The following ANO2 variants were observed in gnomAD, a reference collection of about 807,000 sequenced individuals.
The protein encoded by ANO2 is anoctamin 2, also known as anoctamin-2.
Under a neutral mutation model 124.2 loss-of-function variants are expected in ANO2, and 101 were observed. The observed-to-expected ratio is 0.81, with a 90% confidence interval of 0.69 to 0.96. The LOEUF is 0.96. Among genes scored for constraint, ANO2 ranks in the 40% least tolerant of loss-of-function variants. The probability of loss-of-function intolerance (pLI) is 0.00; values close to 1 mark genes in which losing one functional copy is unlikely to be tolerated. For synonymous variants in ANO2, 486 were observed against 482.5 expected (o/e 1.01, Z -0.09); for missense variants, 1,293 against 1,274.5 (o/e 1.01, Z -0.22).
At chr12:5,849,481 A>G (rs1954798142) in intron 4 of ANO2, among the ~76,000 whole-genome samples, 1 of 152,234 alleles carries the variant, frequency 6.6e-6, no homozygotes, top group African/African-American at 2.4e-5. Flanking sequence ...CCATACCGCC[A>G]TTTCAAACCT....
intron 12 of ANO2, among the ~76,000 whole-genome samples, chr12:5,743,143 C>T (rs547029907): frequency 6.6e-5 from 10 of 152,264 alleles, no homozygotes; most frequent in Admixed American, 6.5e-4. Context: ...CTAAGAACCA[C>T]CGAGAACAGG....
intron 12 of ANO2, chr12:5,740,446 C>T (rs1489388054): frequency 6.0e-6 from 1 of 166,788 alleles, no homozygotes; most frequent in Non-Finnish European, 1.3e-5. Context: ...CCAGTCCCAA[C>T]TAAGGTATCT....
chr12:5,877,412 T>C (rs1158163661), intron 3 of ANO2, among the ~76,000 whole-genome samples: 3 of 152,088 alleles, frequency 2.0e-5, no homozygotes, highest in African/African-American at 7.2e-5. Context: ...AGCCAAGAAA[T>C]TTGAGGTAGT....
At chr12:5,929,485 T>C (rs1406876912) in intron 1 of ANO2, among the ~76,000 whole-genome samples, 5 of 87,758 alleles carry the variant, frequency 5.7e-5, no homozygotes, top group South Asian at 3.6e-4. Flanking sequence ...GTCTATCTTC[T>C]TTCCTTACTC....
At chr12:5,931,297 G>A (rs1942366784) in intron 1 of ANO2, among the ~76,000 whole-genome samples, 1 of 152,052 alleles carries the variant, frequency 6.6e-6, no homozygotes, top group African/African-American at 2.4e-5. Context: ...CAGGCTCCAA[G>A]CACAGCAAAT....
chr12:5,866,258 A>G (rs570558534), intron 3 of ANO2, among the ~76,000 whole-genome samples: 14 of 152,292 alleles, frequency 9.2e-5, no homozygotes, highest in African/African-American at 3.4e-4. Context: ...CCATAAAGGG[A>G]AGTCCTGGGT....
chr12:5,863,168 AGCG>A (rs1955324724), intron 3 of ANO2, among the ~76,000 whole-genome samples: 1 of 152,108 alleles, frequency 6.6e-6, no homozygotes. Context: ...CTTTTTTAGC[AGCG>A]TGAGAACAGA....
Position 5,578,462 on chromosome 12 carries a change from ACACAGGTGCCAGGGGAAAGGAGGC to A in ANO2, c.2266_2289del (p.Ala756_Val763del). The A allele has an allele frequency of 3.7e-6, 6 of 1,613,958 alleles. No homozygotes were observed. Among genetic ancestry groups the A allele is most frequent in the Non-Finnish European group, 5.1e-6 (6 of 1,179,876 alleles). On this transcript the variant is annotated inframe_deletion, in exon 21 of 25. Transcript: ENST00000682330. ...TCAATGACGTTGTTGAGGAGGGCAA[ACACAGGTGCCAGGGGAAAGGAGGC>A]CACGAAGAGGGTGACAAAACCAAAC...
chr12:5,861,130 C>A (rs1310516279), intron 3 of ANO2, among the ~76,000 whole-genome samples: 2 of 152,146 alleles, frequency 1.3e-5, no homozygotes, highest in Admixed American at 1.3e-4. Context: ...ATATCTTTCT[C>A]CAGTAACAAA....
chr12:5,674,790 C>A (rs929849100), intron 14 of ANO2, among the ~76,000 whole-genome samples: 1 of 152,190 alleles, frequency 6.6e-6, no homozygotes, highest in African/African-American at 2.4e-5. Context: ...ATCTGTAAAA[C>A]CCTGTCCCCT....
intron 3 of ANO2, among the ~76,000 whole-genome samples, chr12:5,893,734 C>T (rs1185250959): frequency 2.0e-5 from 3 of 151,514 alleles, no homozygotes; most frequent in East Asian, 1.9e-4. Flanking sequence ...AGTGAGAACA[C>T]GTGGTGTTTG....
chr12:5,605,690 G>C (rs766069594), intron 19 of ANO2, among the ~76,000 whole-genome samples: 12 of 152,084 alleles, frequency 7.9e-5, no homozygotes, highest in Non-Finnish European at 1.5e-4. Flanking sequence ...CATGTGTTTC[G>C]GGGGCACTAT....
intron 11 of ANO2, among the ~76,000 whole-genome samples, chr12:5,749,698 C>T (rs967232883): frequency 2.0e-5 from 3 of 152,208 alleles, no homozygotes; most frequent in African/African-American, 7.2e-5. Context: ...TAAATATTAG[C>T]TAAGTGTCTC....
intron 3 of ANO2, among the ~76,000 whole-genome samples, chr12:5,875,074 C>G (rs1198136465): frequency 6.6e-6 from 1 of 152,248 alleles, no homozygotes; most frequent in Non-Finnish European, 1.5e-5. Context: ...CCTGGCCCCT[C>G]TCTCATCACT....
chr12:5,891,188 A>G (rs942109381), intron 3 of ANO2, among the ~76,000 whole-genome samples: 1 of 152,198 alleles, frequency 6.6e-6, no homozygotes, highest in Non-Finnish European at 1.5e-5. Flanking sequence ...GGACAGAGAG[A>G]GCCGAGGAGA....
chr12:5,748,665 A>G (rs1033436346), intron 11 of ANO2, among the ~76,000 whole-genome samples: 1 of 152,154 alleles, frequency 6.6e-6, no homozygotes, highest in Middle Eastern at 3.2e-3. Context: ...ACTAGTTTAT[A>G]ACAATCACCT....
chr12:5,654,300 T>A (rs2136963696), intron 14 of ANO2, among the ~76,000 whole-genome samples: 1 of 152,374 alleles, frequency 6.6e-6, no homozygotes, highest in East Asian at 1.9e-4. Context: ...TTTAGAAGGC[T>A]GTTGCTAACT....
At chr12:5,773,823 G>C (rs1238657435) in intron 10 of ANO2, among the ~76,000 whole-genome samples, 2 of 152,158 alleles carry the variant, frequency 1.3e-5, no homozygotes, top group African/African-American at 4.8e-5. Flanking sequence ...CCTTGGTCAG[G>C]TGCCTTGTTC....
chr12:5,909,613 A>C (rs1940918689), intron 3 of ANO2, among the ~76,000 whole-genome samples: 1 of 152,192 alleles, frequency 6.6e-6, no homozygotes, highest in Non-Finnish European at 1.5e-5. Flanking sequence ...GGACTAAACA[A>C]CATGCTTCCA....
Sources: allele counts gnomAD v4.1 joint callset (sites outside exome capture counted in the v4.1 genomes callset), GRCh38; gene constraint gnomAD v4.1.1; transcripts MANE v1.5; gene names NCBI Gene and HGNC (gene_info 2026-07-23, HGNC 2026-07-21).